Variants in ITPR2 observed in about 807,000 individuals in gnomAD.
ITPR2 encodes the protein inositol 1,4,5-trisphosphate-gated calcium channel ITPR2.
ITPR2 carries 207 observed loss-of-function variants against 317.1 expected under a neutral mutation model. The observed-to-expected ratio is 0.65, with a 90% CI of 0.58 to 0.73. ITPR2 has a LOEUF of 0.73. Among genes scored for constraint, ITPR2 ranks in the 30% least tolerant of loss-of-function variants. ITPR2 has a pLI of 0.00. For missense variants in ITPR2, 2,613 were observed against 3,284.0 expected, an observed-to-expected ratio of 0.80 and a Z score of 4.99; for synonymous variants, 1,156 against 1,149.1, an observed-to-expected ratio of 1.01 and a Z score of -0.12.
intron 21 of ITPR2, among the ~76,000 whole-genome samples, chr12:26,645,681 C>T (rs914869606): frequency 6.6e-6 from 1 of 152,164 alleles, no homozygotes; most frequent in African/African-American, 2.4e-5. Context: ...TTGTGCCTTC[C>T]CTTTGCATGT....
chr12:26,498,378 T>C (rs1381119390), intron 37 of ITPR2, among the ~76,000 whole-genome samples: 1 of 152,206 alleles, frequency 6.6e-6, no homozygotes, highest in East Asian at 1.9e-4. Context: ...TGAGTTGAAT[T>C]AAATTCACCT....
Position 26,561,943 on chromosome 12 carries a change from C to A in ITPR2, c.4640G>T (p.Arg1547Leu). The change falls in exon 35 of 57, where the codon CGT becomes CTT. Residue 1547 changes from arginine (R) to leucine (L), a missense_variant. By Grantham distance (102) the Arg-to-Leu change is moderately radical. This residue lies in a region of ITPR2 where 926 missense variants were observed against 1,072.8 expected (regional missense o/e 0.86). Transcript: ENST00000381340. ...IRTLAEVAKN[R>L]GIAIPVDLDS... is the part of the protein sequence containing the mutation. The stretch of plus-strand genomic sequence containing the variant: ...CAAATCCACTGGAATGGCAATTCCA[C>A]GATTTTTTGCTGAAAAAGAAAGATT... The A allele has an allele frequency of 1.3e-6, 2 of 1,505,394 alleles. No individual in the cohort carries two copies. The highest frequency in any genetic ancestry group is 1.8e-6 in the Non-Finnish European group (2 of 1,134,136). 93.3% of individuals were successfully genotyped at this position (1,505,394 alleles called of 1,614,324 possible).
chr12:26,740,023 T>C (rs562809291), intron 2 of ITPR2, among the ~76,000 whole-genome samples: 64 of 152,332 alleles, frequency 4.2e-4, no homozygotes, highest in African/African-American at 1.2e-3. Context: ...CTAGCTTGAC[T>C]TCCCCGCACA....
At position 26,715,389 on chromosome 12, in the gene ITPR2, T is replaced by C. The variant is rs1900941; in HGVS notation, c.765A>G (p.Glu255=). ...AEQEKFLTCD[E]YEKKQHIFLR... ...GGAAAATGTGCTGTTTTTTCTCATA[T>C]TCATCACAAGTCAAAAACTTCTCTT... is the stretch of plus-strand genomic sequence containing the variant. The change falls in exon 8 of 57, where the codon GAA becomes GAG. Residue 255 remains glutamate (E), a synonymous_variant. Coordinates refer to ENST00000381340, the MANE Select transcript of ITPR2 (RefSeq NM_002223.4). 0.42 allele frequency: 672,189 copies of C among 1,612,528 alleles called. 151,387 individuals carry two copies. Among genetic ancestry groups the C allele is most frequent in the Non-Finnish European group, 0.47 (559,078 of 1,178,818 alleles).
chr12:26,775,701 G>A (rs1032664922), intron 2 of ITPR2, among the ~76,000 whole-genome samples: 2 of 151,980 alleles, frequency 1.3e-5, no homozygotes, highest in Admixed American at 1.3e-4. Flanking sequence ...CTACTCAGCT[G>A]CCAGCACAGC....
intron 35 of ITPR2, among the ~76,000 whole-genome samples, chr12:26,558,368 G>A (rs1435654087): frequency 1.3e-5 from 2 of 152,158 alleles, no homozygotes; most frequent in Non-Finnish European, 2.9e-5. Flanking sequence ...TTAGGATAAT[G>A]ATACTAACAA....
chr12:26,355,724 C>G (rs996776372), intron 55 of ITPR2, among the ~76,000 whole-genome samples: 1 of 152,082 alleles, frequency 6.6e-6, no homozygotes, highest in Non-Finnish European at 1.5e-5. Context: ...CTAGAAAATC[C>G]CTATTTTTTC....
At chr12:26,350,097 T>C (rs187988055) in intron 55 of ITPR2, among the ~76,000 whole-genome samples, 10 of 152,244 alleles carry the variant, frequency 6.6e-5, no homozygotes, top group Non-Finnish European at 1.2e-4. Context: ...TTATGGATGG[T>C]CCTGCGGGCT....
chr12:26,416,397 T>A (rs1361202293), intron 50 of ITPR2, among the ~76,000 whole-genome samples: 1 of 152,294 alleles, frequency 6.6e-6, no homozygotes, highest in East Asian at 1.9e-4. Context: ...AATATCTGTT[T>A]GGAAATGAAT....
chr12:26,487,980 T>A (rs929323886), intron 39 of ITPR2, among the ~76,000 whole-genome samples: 3 of 152,128 alleles, frequency 2.0e-5, no homozygotes, highest in African/African-American at 7.2e-5. Context: ...AAAAGTATGA[T>A]AAAATGTATC....
chr12:26,340,669 A>G (rs1185833866), intron 55 of ITPR2, among the ~76,000 whole-genome samples: 1 of 152,160 alleles, frequency 6.6e-6, no homozygotes, highest in Non-Finnish European at 1.5e-5. Flanking sequence ...GTGTGGGTAC[A>G]GCATAGGCAT....
intron 24 of ITPR2, among the ~76,000 whole-genome samples, chr12:26,622,732 G>A (rs1946528848): frequency 1.3e-5 from 2 of 152,296 alleles, no homozygotes; most frequent in Middle Eastern, 3.4e-3. Context: ...TTTATGGGAG[G>A]AGCTGTGCTA....
chr12:26,594,804 C>G (rs564809996), intron 32 of ITPR2, among the ~76,000 whole-genome samples: 1 of 151,810 alleles, frequency 6.6e-6, no homozygotes, highest in Non-Finnish European at 1.5e-5. Context: ...TTCCTTCTTT[C>G]TTATATTTCT....
intron 45 of ITPR2, among the ~76,000 whole-genome samples, chr12:26,472,030 G>C (rs996169948): frequency 6.6e-6 from 1 of 152,180 alleles, no homozygotes; most frequent in Non-Finnish European, 1.5e-5. Context: ...GAAAGCCAAG[G>C]AGTCACCTGC....
chr12:26,417,764 C>G (rs1215662337), intron 50 of ITPR2, among the ~76,000 whole-genome samples: 1 of 149,002 alleles, frequency 6.7e-6, no homozygotes, highest in Non-Finnish European at 1.5e-5. Context: ...TCTTGATATT[C>G]CTATCCATTT....
In ITPR2 at chr12:26,682,589, C is replaced by G; in HGVS notation, c.1233G>C (p.Arg411Ser). 2 of 1,606,972 alleles carry G rather than the reference C, an allele frequency of 1.2e-6. No individual in the cohort carries two copies. Among genetic ancestry groups the G allele is most frequent in the South Asian group, 2.2e-5 (2 of 90,226 alleles). Residue 411 changes from arginine to serine, a missense_variant, in exon 12 of 57, where the codon AGG (arginine) becomes AGC (serine). Physicochemically the swap from Arg to Ser is moderately radical, Grantham distance 110. This residue lies in a region of ITPR2 where 515 missense variants were observed against 789.4 expected (regional missense o/e 0.65). Transcript: ENST00000381340. ...TSIPIDTDEE[R>S]PVMLKIGTCQ... Reference sequence around the variant, plus strand: ...TGACATTTACCTTTAACATAACAGGCCTCTCTTCATCTGTGTCTATGGGGA... The same window carrying G: ...TGACATTTACCTTTAACATAACAGGGCTCTCTTCATCTGTGTCTATGGGGA...
At chr12:26,789,508 A>T (rs1950308928) in intron 2 of ITPR2, among the ~76,000 whole-genome samples, 1 of 152,194 alleles carries the variant, frequency 6.6e-6, no homozygotes, top group Non-Finnish European at 1.5e-5. Flanking sequence ...AATTATTTTT[A>T]TTATTATAAT....
At chr12:26,586,656 T>C (rs1311840336) in intron 32 of ITPR2, among the ~76,000 whole-genome samples, 1 of 152,222 alleles carries the variant, frequency 6.6e-6, no homozygotes, top group Non-Finnish European at 1.5e-5. Flanking sequence ...AAATAGTCAG[T>C]GTCATCAACA....
intron 13 of ITPR2, among the ~76,000 whole-genome samples, chr12:26,670,251 T>A (rs1433724254): frequency 2.0e-5 from 3 of 152,178 alleles, no homozygotes; most frequent in African/African-American, 7.2e-5. Flanking sequence ...CCTCCTCAAG[T>A]GGGTCCCTGA....
Sources: allele counts gnomAD v4.1 joint callset (sites outside exome capture counted in the v4.1 genomes callset), GRCh38; gene constraint gnomAD v4.1.1; regional missense constraint gnomAD v4.1.1; transcripts MANE v1.5; gene names NCBI Gene and HGNC (gene_info 2026-07-23, HGNC 2026-07-21).